The following ZKSCAN1 variants were observed in gnomAD, a reference collection of about 807,000 sequenced individuals.
The protein encoded by ZKSCAN1 is zinc finger protein with KRAB and SCAN domains 1.
In ZKSCAN1, 14 loss-of-function variants were observed where a neutral mutation model predicts 51.6. The observed-to-expected ratio is 0.27, with a 90% confidence interval of 0.18 to 0.42. The LOEUF is 0.42. Among genes scored for constraint, ZKSCAN1 ranks in the 10% least tolerant of loss-of-function variants. The pLI is 1.00. For missense variants in ZKSCAN1, 531 were observed against 710.0 expected (o/e 0.75, Z 2.86); for synonymous variants, 263 against 261.5 (o/e 1.01, Z -0.06).
Position 100,038,693 on chromosome 7 carries a change from T to A in ZKSCAN1, c.*4496T>A. On this transcript the variant is annotated 3_prime_UTR_variant, in exon 6 of 6. Transcript: ENST00000324306. The stretch of plus-strand genomic sequence containing the variant: ...TTTCCCACTAACTCTTAAATCCTTA[T>A]GCTTAGAAAATTGAGGATAAGGCTG... 1 of 985,400 alleles carries A rather than the reference T, an allele frequency of 1.0e-6. No individual in the cohort carries two copies. Among genetic ancestry groups the A allele is most frequent in the Non-Finnish European group, 1.2e-6 (1 of 829,958 alleles). The allele number at this position is 985,400 out of a possible 1,614,324, so 61.0% of individuals were successfully genotyped here. A position where few individuals can be genotyped will look rare whatever the true frequency, so the allele number is the denominator to read the frequency against.
In ZKSCAN1 at chr7:100,024,900, A is replaced by T. The variant is rs973895938; in HGVS notation, c.580+593A>T. ...TGGTGACAGAGCGAGACTGTCTTAA[A>T]AAAAAAAAAAAAAAAAAAAGAATTA... On this transcript the variant is annotated intron_variant, in intron 3 of 5. Coordinates refer to ENST00000324306, the MANE Select transcript of ZKSCAN1 (RefSeq NM_003439.4). The T allele has an allele frequency of 1.4e-4, 3 of 21,206 alleles. No individual in the cohort carries two copies. In the African/African-American group the frequency reaches 3.1e-3, roughly 22 times the overall value. The allele number at this position is 21,206 out of a possible 1,614,324, so 1.3% of individuals were successfully genotyped here.
At chr7:100,024,061 T>C in intron 2 of ZKSCAN1, 93 bp from the exon 3 acceptor site, 1 of 1,528,162 alleles carries the variant, frequency 6.5e-7, no homozygotes, top group Non-Finnish European at 8.8e-7. Context: ...GCTTTCTTCC[T>C]GCATCCACTG....
chr7:100,037,814 G>C lies in ZKSCAN1; in HGVS notation c.*3617G>C, dbSNP rs745902458. On this transcript the variant is annotated 3_prime_UTR_variant, in exon 6 of 6. Coordinates refer to ENST00000324306, the MANE Select transcript of ZKSCAN1 (RefSeq NM_003439.4). ...AGGCGGATCACGAGGTCAGTAGTTCGAGACCAGCCTGGCCAACATGGTGAA... is the reference window on the plus strand; with the variant it reads ...AGGCGGATCACGAGGTCAGTAGTTCCAGACCAGCCTGGCCAACATGGTGAA... 1 of 798,160 alleles carries C rather than the reference G, an allele frequency of 1.3e-6. No individual in the cohort carries two copies. Among genetic ancestry groups the C allele is most frequent in the Non-Finnish European group, 1.5e-6 (1 of 659,758 alleles). 49.4% of individuals were successfully genotyped at this position (798,160 alleles called of 1,614,324 possible).
In ZKSCAN1 at chr7:100,038,282, CAG is replaced by C; in HGVS notation, c.*4087_*4088del. ...AGCCTATTTGACAGAACACATCACT[CAG>C]AAAAAGTGAAGTTTCAGAGCAAACA... On this transcript the variant is annotated 3_prime_UTR_variant, in exon 6 of 6. Coordinates refer to ENST00000324306, the MANE Select transcript of ZKSCAN1 (RefSeq NM_003439.4). 1.0e-6 allele frequency: 1 copy of C among 985,306 alleles called. No homozygotes were observed. Among genetic ancestry groups the C allele is most frequent in the Non-Finnish European group, 1.2e-6 (1 of 829,922 alleles). The allele number at this position is 985,306 out of a possible 1,614,324, so 61.0% of individuals were successfully genotyped here.
chr7:100,017,411 C>CA (rs1205432812), intron 1 of ZKSCAN1, among the ~76,000 whole-genome samples: 2 of 152,122 alleles, frequency 1.3e-5, no homozygotes, highest in Non-Finnish European at 2.9e-5. Flanking sequence ...TTAGTAGAGA[C>CA]AGAGTTTCGC....
At chr7:100,021,821 T>C (rs1790603986) in intron 1 of ZKSCAN1, among the ~76,000 whole-genome samples, 2 of 151,622 alleles carry the variant, frequency 1.3e-5, no homozygotes, top group Admixed American at 6.6e-5. Flanking sequence ...CGTAGCTGAC[T>C]GCAGCCTCAA....
In ZKSCAN1 at chr7:100,023,643, A is replaced by G. The variant is rs1790686331; in HGVS notation, c.137A>G (p.Asp46Gly). 1 of 1,614,124 alleles carries G rather than the reference A, an allele frequency of 6.2e-7. No homozygotes were observed. The highest frequency in any genetic ancestry group is 2.2e-5 in the East Asian group (1 of 44,878). The change falls in exon 2 of 6, where the codon GAC becomes GGC. Residue 46 changes from aspartate (D) to glycine (G), a missense_variant. By Grantham distance (94) the Asp-to-Gly change is moderately conservative. This residue lies in a region of ZKSCAN1 where 403 missense variants were observed against 490.5 expected (regional missense o/e 0.82). Coordinates refer to ENST00000324306, the MANE Select transcript of ZKSCAN1 (RefSeq NM_003439.4). ...TGGGGGCAGGATTCCACCCTACAGG[A>G]CACGCCTCCTCCAGACCCAGAGATA... ...HMWGQDSTLQDTPPPDPEIFR... is the reference protein window; with the variant it reads ...HMWGQDSTLQGTPPPDPEIFR...
At chr7:100,025,063 G>A (rs1002998517) in intron 3 of ZKSCAN1, 9 of 151,548 alleles carry the variant, frequency 5.9e-5, no homozygotes, top group East Asian at 1.9e-4. Flanking sequence ...ATGTTACTAC[G>A]AAGGCAAATG....
Position 100,029,867 on chromosome 7 carries a change from C to T in ZKSCAN1, c.587C>T (p.Pro196Leu), listed in dbSNP as rs777994713. 1 of 1,614,154 alleles carries T rather than the reference C, an allele frequency of 6.2e-7. No homozygotes were observed. Among genetic ancestry groups the T allele is most frequent in the Non-Finnish European group, 8.5e-7 (1 of 1,179,998 alleles). The change falls in exon 4 of 6, where the codon CCT (proline) becomes CTT (leucine). Residue 196 changes from proline (P) to leucine (L), a missense_variant. By Grantham distance (98) the Pro-to-Leu change is moderately conservative. Transcript: ENST00000324306. ...ACCCTTTCTCCTCCCCCAGCTCTTC[C>T]TGCTGCCCACATTCCTGCACCCCCT... is the stretch of plus-strand genomic sequence containing the variant. ...KPRLLQSRAL[P>L]AAHIPAPPHE...
In ZKSCAN1 at chr7:100,034,092, C is replaced by A; in HGVS notation, c.1587C>A (p.Ser529Arg). 6.2e-7 allele frequency: 1 copy of A among 1,610,988 alleles called. No homozygotes were observed. The highest frequency in any genetic ancestry group is 1.1e-5 in the South Asian group (1 of 90,690). The change falls in exon 6 of 6, where the codon AGC becomes AGA. Residue 529 changes from serine to arginine, a missense_variant. By Grantham distance (110) the Ser-to-Arg change is moderately radical. Transcript: ENST00000324306. ...CTKCGKAFTR[S>R]STLTLHHRIH... is the part of the protein sequence containing the mutation. ...AGTGTGGCAAGGCCTTCACCCGCAG[C>A]TCCACCCTCACTCTGCATCACAGAA... is the stretch of plus-strand genomic sequence containing the variant.
rs1168452197 is a variant in ZKSCAN1, at chr7:100,035,394, A to G, written c.*1197A>G. The G allele has an allele frequency of 6.6e-6, 1 of 152,232 alleles. No homozygotes were observed. Among genetic ancestry groups the G allele is most frequent in the East Asian group, 1.9e-4 (1 of 5,206 alleles). The allele number at this position is 152,232 out of a possible 1,614,324, so 9.4% of individuals were successfully genotyped here. A position where few individuals can be genotyped will look rare whatever the true frequency, so the allele number is the denominator to read the frequency against. Reference sequence around the variant, plus strand: ...GACTTTATCATCGTCATCTTGAAGAAAAATATGAACACTGATGAAGGTCAT... The same window carrying G: ...GACTTTATCATCGTCATCTTGAAGAGAAATATGAACACTGATGAAGGTCAT... On this transcript the variant is annotated 3_prime_UTR_variant, in exon 6 of 6. Coordinates refer to ENST00000324306, the MANE Select transcript of ZKSCAN1 (RefSeq NM_003439.4).
Position 100,040,623 on chromosome 7 carries a change from C to T in ZKSCAN1, c.*6426C>T. The T allele has an allele frequency of 1.0e-6, 1 of 985,446 alleles. No homozygotes were observed. Among genetic ancestry groups the T allele is most frequent in the Non-Finnish European group, 1.2e-6 (1 of 829,956 alleles). The allele number at this position is 985,446 out of a possible 1,614,324, so 61.0% of individuals were successfully genotyped here. On this transcript the variant is annotated 3_prime_UTR_variant, in exon 6 of 6. Transcript: ENST00000324306. ...CCCTAAATCTCCATCATTAAGTCTT[C>T]CAGCAAGGTTAAGTGCAGTATGGAA...
downstream of ZKSCAN1, chr7:100,044,795 G>A (rs916257153): frequency 1.8e-5 from 18 of 981,614 alleles, no homozygotes; most frequent in Middle Eastern, 1.1e-3. Context: ...AAATGTCTTT[G>A]CAGCTTTCCA....
rs1396795544 is a variant in ZKSCAN1, at chr7:100,034,133, G to A, written c.1628G>A (p.Arg543Lys). 1 of 1,590,028 alleles carries A rather than the reference G, an allele frequency of 6.3e-7. No individual in the cohort carries two copies. The highest frequency in any genetic ancestry group is 8.5e-7 in the Non-Finnish European group (1 of 1,171,242). The stretch of plus-strand genomic sequence containing the variant: ...CATCACAGAATCCATGCCAGAGAGA[G>A]AGCCTCTGAGTACAGCCCAGCCTCC... ...TLHHRIHARE[R>K]ASEYSPASLD... Residue 543 changes from arginine to lysine, a missense_variant, in exon 6 of 6, where the codon AGA becomes AAA. Coordinates refer to ENST00000324306, the MANE Select transcript of ZKSCAN1 (RefSeq NM_003439.4).
At chr7:100,029,200 G>C (rs923873902) in intron 3 of ZKSCAN1, among the ~76,000 whole-genome samples, 6 of 150,148 alleles carry the variant, frequency 4.0e-5, no homozygotes, top group Admixed American at 6.6e-5. Flanking sequence ...CTTACCCAGA[G>C]CTAAGGAGAC....
intron 5 of ZKSCAN1, among the ~76,000 whole-genome samples, chr7:100,032,335 T>C (rs1791142071): frequency 6.6e-6 from 1 of 152,194 alleles, no homozygotes; most frequent in African/African-American, 2.4e-5. Flanking sequence ...AGGCTCCTGC[T>C]TCTCATCCCT....
Position 100,034,256 on chromosome 7 carries a change from G to A in ZKSCAN1, c.*59G>A, listed in dbSNP as rs1791251020. 2 of 1,498,956 alleles carry A rather than the reference G, an allele frequency of 1.3e-6. No individual in the cohort carries two copies. The highest frequency in any genetic ancestry group is 1.8e-6 in the Non-Finnish European group (2 of 1,132,924). The allele number at this position is 1,498,956 out of a possible 1,614,324, so 92.9% of individuals were successfully genotyped here. A position where few individuals can be genotyped will look rare whatever the true frequency, so the allele number is the denominator to read the frequency against. On this transcript the variant is annotated 3_prime_UTR_variant, in exon 6 of 6. Coordinates refer to ENST00000324306, the MANE Select transcript of ZKSCAN1 (RefSeq NM_003439.4). The stretch of plus-strand genomic sequence containing the variant: ...TTGTTTCTAAAATTATTTCAGAGAT[G>A]TGTGCTCCTGGAGGGAAAAAGAAAT...
At chr7:100,022,672 T>A (rs1790639256) in intron 1 of ZKSCAN1, among the ~76,000 whole-genome samples, 1 of 152,202 alleles carries the variant, frequency 6.6e-6, no homozygotes, top group South Asian at 2.1e-4. Context: ...TTGACTCCAG[T>A]AGGCAGCCAC....
At chr7:100,021,116 C>CTTTTTTTTTTTTTT (rs60632908) in intron 1 of ZKSCAN1, among the ~76,000 whole-genome samples, 21 of 85,290 alleles carry the variant, frequency 2.5e-4, no homozygotes, top group East Asian at 8.7e-4. Flanking sequence ...TTTTTTTTTC[C>CTTTTTTTTTTTTTT]TTTTTTTTTT....
Sources: allele counts gnomAD v4.1 joint callset (sites outside exome capture counted in the v4.1 genomes callset), GRCh38; gene constraint gnomAD v4.1.1; regional missense constraint gnomAD v4.1.1; transcripts MANE v1.5; gene names NCBI Gene and HGNC (gene_info 2026-07-23, HGNC 2026-07-21).